The following SLC4A4 variants were observed in gnomAD, a reference collection of about 807,000 sequenced individuals.
The protein encoded by SLC4A4 is electrogenic sodium bicarbonate cotransporter 1.
In SLC4A4, 27 loss-of-function variants were observed where a neutral mutation model predicts 111.5. The ratio of observed to expected loss-of-function variants is 0.24; its 90% CI spans 0.18 to 0.33. The LOEUF is 0.33. SLC4A4 is among the 10% of genes least tolerant of loss of function. SLC4A4 has a pLI of 1.00. For missense variants in SLC4A4, 909 were observed against 1,315.5 expected (o/e 0.69, Z 4.78); for synonymous variants, 443 against 463.4 (o/e 0.96, Z 0.57).
intron 2 of SLC4A4, among the ~76,000 whole-genome samples, chr4:71,106,397 A>G (rs1482882586): frequency 2.0e-5 from 3 of 150,268 alleles, no homozygotes; most frequent in Non-Finnish European, 3.0e-5. Flanking sequence ...TAGAAATACC[A>G]TTTGAGCCAG....
intron 7 of SLC4A4, among the ~76,000 whole-genome samples, chr4:71,406,987 T>A (rs1229549124): frequency 2.0e-5 from 3 of 152,164 alleles, no homozygotes; most frequent in Non-Finnish European, 4.4e-5. Context: ...ATTGGCAAAC[T>A]GGAGGCATGA....
intron 2 of SLC4A4, among the ~76,000 whole-genome samples, chr4:71,143,760 G>A (rs993372549): frequency 2.0e-5 from 3 of 152,200 alleles, no homozygotes; most frequent in Non-Finnish European, 4.4e-5. Flanking sequence ...AGAAGTGTCT[G>A]TTCATATCCT....
chr4:71,424,069 G>A (rs555610596), intron 7 of SLC4A4, among the ~76,000 whole-genome samples: 4 of 152,014 alleles, frequency 2.6e-5, no homozygotes, highest in East Asian at 1.9e-4. Context: ...ACAAAATGGG[G>A]GAAAATTTTC....
At chr4:71,274,420 C>T (rs569672350) in intron 3 of SLC4A4, among the ~76,000 whole-genome samples, 21 of 152,034 alleles carry the variant, frequency 1.4e-4, no homozygotes, top group African/African-American at 4.6e-4. Context: ...ATGAGATTTC[C>T]CATTAAAAAT....
chr4:71,523,373 A>G (rs1267601526), intron 16 of SLC4A4, among the ~76,000 whole-genome samples: 1 of 152,192 alleles, frequency 6.6e-6, no homozygotes. Flanking sequence ...TAAGAATGAC[A>G]AAGGGATATT....
chr4:71,546,399 T>C lies in SLC4A4; in HGVS notation c.2492T>C (p.Val831Ala). ...LDLFWVAILM[V>A]ICSLMALPWY... is the part of the protein sequence containing the mutation. ...CTCTTTTGGGTGGCCATCCTCATGGTTATATGCTCCCTCATGGCTCTTCCG... is the reference window on the plus strand; with the variant it reads ...CTCTTTTGGGTGGCCATCCTCATGGCTATATGCTCCCTCATGGCTCTTCCG... Residue 831 changes from valine (V) to alanine (A), a missense_variant, in exon 19 of 26, where the codon GTT (valine) becomes GCT (alanine). Physicochemically the swap from Val to Ala is moderately conservative, Grantham distance 64. This residue lies in a region of SLC4A4 where 264 missense variants were observed against 356.8 expected (regional missense o/e 0.74). Coordinates refer to ENST00000264485, the MANE Select transcript of SLC4A4 (RefSeq NM_001098484.3). The C allele has an allele frequency of 6.2e-7, 1 of 1,612,868 alleles. No homozygotes were observed. The highest frequency in any genetic ancestry group is 2.2e-5 in the East Asian group (1 of 44,820).
intron 16 of SLC4A4, among the ~76,000 whole-genome samples, chr4:71,524,492 T>C (rs1451491601): frequency 6.6e-6 from 1 of 152,120 alleles, no homozygotes; most frequent in African/African-American, 2.4e-5. Flanking sequence ...CCAGTTCATC[T>C]CTCTTCTTTG....
rs560743850 is a variant in SLC4A4, at chr4:71,388,864, T to C, written c.731-8713T>C. On this transcript the variant is annotated intron_variant, in intron 6 of 25. Transcript: ENST00000264485. The stretch of plus-strand genomic sequence containing the variant: ...CCATGCCTGGCCTAACCTACCTATT[T>C]TAGATCACAATAAAAATTATATCCA... Among the ~76,000 whole-genome samples, 7 of 152,256 alleles carry C rather than the reference T, an allele frequency of 4.6e-5. No individual in the cohort carries two copies. The East Asian group carries it at 1.4e-3, about 29-fold the overall frequency.
chr4:71,261,652 G>C (rs1036955975), intron 3 of SLC4A4, among the ~76,000 whole-genome samples: 1 of 152,194 alleles, frequency 6.6e-6, no homozygotes, highest in Non-Finnish European at 1.5e-5. Context: ...AAGTCTCTTA[G>C]AGAGCCTTGA....
chr4:71,483,163 C>T (rs1729048114), intron 14 of SLC4A4, among the ~76,000 whole-genome samples: 1 of 151,422 alleles, frequency 6.6e-6, no homozygotes, highest in Non-Finnish European at 1.5e-5. Context: ...GTCCTTTAGC[C>T]TGTTTTTGTT....
intron 1 of SLC4A4, among the ~76,000 whole-genome samples, chr4:71,088,319 C>T (rs1366327218): frequency 2.0e-5 from 3 of 151,652 alleles, no homozygotes; most frequent in Non-Finnish European, 4.4e-5. Flanking sequence ...AGGTGGGTTT[C>T]CTGAATATAG....
At chr4:71,300,701 T>TGGGGCTGGCAGCAGCTTCTGGAG in intron 3 of SLC4A4, 1 of 387,706 alleles carries the variant, frequency 2.6e-6, no homozygotes, top group South Asian at 2.4e-5. Flanking sequence ...TGTAGGGGCA[T>TGGGGCTGGCAGCAGCTTCTGGAG]GGGGCTGGCA....
chr4:71,501,444 C>G (rs1010093533), intron 16 of SLC4A4, among the ~76,000 whole-genome samples: 4 of 151,600 alleles, frequency 2.6e-5, no homozygotes, highest in African/African-American at 9.7e-5. Context: ...GGAATTTACC[C>G]ATTTCTTCTA....
At chr4:71,504,151 C>G (rs753116431) in intron 16 of SLC4A4, among the ~76,000 whole-genome samples, 11 of 152,094 alleles carry the variant, frequency 7.2e-5, no homozygotes, top group Non-Finnish European at 1.6e-4. Context: ...GTTTAGGGTT[C>G]AGTCCAGTTG....
At chr4:71,489,322 T>C (rs1442059022) in intron 15 of SLC4A4, among the ~76,000 whole-genome samples, 2 of 151,754 alleles carry the variant, frequency 1.3e-5, no homozygotes, top group African/African-American at 4.8e-5. Flanking sequence ...GGAAGCAGCA[T>C]AGTGTTTTAT....
At chr4:71,206,864 G>A (rs1440233914) in intron 1 of SLC4A4, among the ~76,000 whole-genome samples, 2 of 151,638 alleles carry the variant, frequency 1.3e-5, no homozygotes, top group Admixed American at 6.6e-5. Context: ...ATTGGTTTGG[G>A]GTTTCATTTC....
At chr4:71,208,996 G>T (rs187657040) in intron 1 of SLC4A4, among the ~76,000 whole-genome samples, 1 of 152,036 alleles carries the variant, frequency 6.6e-6, no homozygotes, top group Non-Finnish European at 1.5e-5. Flanking sequence ...ATTTGGTTAC[G>T]CTAGAAACCT....
chr4:71,367,582 G>A (rs1216649069), intron 6 of SLC4A4, among the ~76,000 whole-genome samples: 6 of 152,126 alleles, frequency 3.9e-5, no homozygotes, highest in Non-Finnish European at 5.9e-5. Flanking sequence ...ATTTCTAAAT[G>A]TCTCCCTCTT....
At chr4:71,541,193 G>A (rs571789990) in intron 18 of SLC4A4, among the ~76,000 whole-genome samples, 1 of 152,250 alleles carries the variant, frequency 6.6e-6, no homozygotes, top group East Asian at 1.9e-4. Flanking sequence ...TAATTTTGCA[G>A]CGTTTAGTTT....
Sources: allele counts gnomAD v4.1 joint callset (sites outside exome capture counted in the v4.1 genomes callset), GRCh38; gene constraint gnomAD v4.1.1; regional missense constraint gnomAD v4.1.1; transcripts MANE v1.5; gene names NCBI Gene and HGNC (gene_info 2026-07-23, HGNC 2026-07-21).